The following CTNNA1 variants were observed in gnomAD, a reference collection of about 807,000 sequenced individuals.
CTNNA1 encodes the protein catenin alpha 1, also known as catenin alpha-1.
CTNNA1 carries 37 observed loss-of-function variants against 98.4 expected under a neutral mutation model. That is an observed-to-expected ratio of 0.38 (90% CI 0.29 to 0.49). The LOEUF is 0.49. Among genes scored for constraint, CTNNA1 ranks in the 20% least tolerant of loss-of-function variants. The pLI, the probability that CTNNA1 is intolerant of heterozygous loss-of-function variation, is 0.95. For synonymous variants in CTNNA1, 404 were observed against 413.2 expected (o/e 0.98, Z 0.27); for missense variants, 761 against 1,147.2 (o/e 0.66, Z 4.86).
rs201730705 is a variant in CTNNA1, at chr5:138,862,177, C to T, written c.1063-24035C>T. 3.0e-3 allele frequency among the ~76,000 whole-genome samples: 454 copies of T among 152,248 alleles called. 1 individual carries two copies. The highest frequency in any genetic ancestry group is 0.01 in the African/African-American group (429 of 41,544). On this transcript the variant is annotated intron_variant, in intron 7 of 17. Coordinates refer to ENST00000302763, the MANE Select transcript of CTNNA1 (RefSeq NM_001903.5). Reference sequence around the variant, plus strand: ...ATGGAGGATTACTCTCCAGCTATCACGAAACATACCCTCCTGCGTGCATTG... The same window carrying T: ...ATGGAGGATTACTCTCCAGCTATCATGAAACATACCCTCCTGCGTGCATTG...
chr5:138,903,445 T>C (rs1758527283), intron 9 of CTNNA1, among the ~76,000 whole-genome samples: 1 of 152,196 alleles, frequency 6.6e-6, no homozygotes, highest in Non-Finnish European at 1.5e-5. Context: ...GGGGTAAAGA[T>C]GTGTCTCAGT....
chr5:138,912,103 G>C (rs1473106021), intron 10 of CTNNA1, among the ~76,000 whole-genome samples: 1 of 152,210 alleles, frequency 6.6e-6, no homozygotes, highest in Non-Finnish European at 1.5e-5. Flanking sequence ...CATCACCAAG[G>C]GAGTGAGTCT....
rs776591092 is a variant in CTNNA1 at position 138,874,677 on chromosome 5, A to G, written c.1063-11535A>G. 4.3e-5 allele frequency: 33 copies of G among 762,848 alleles called. No homozygotes were observed. The highest frequency in any genetic ancestry group is 6.4e-5 in the Non-Finnish European group (31 of 485,868). 47.3% of individuals were successfully genotyped at this position (762,848 alleles called of 1,614,324 possible). ...CAAAAGATTTCACTGCATATAACTT[A>G]TTTTTCATTTACTGCAGAAAAATTA... On this transcript the variant is annotated intron_variant, in intron 7 of 17. Coordinates refer to ENST00000302763, the MANE Select transcript of CTNNA1 (RefSeq NM_001903.5). This position sits in a 1 kb window ranked among gnomAD's most constrained non-coding sequence, Gnocchi z 4.1.
chr5:138,799,000 A>T (rs900568497), intron 3 of CTNNA1, among the ~76,000 whole-genome samples: 11 of 151,968 alleles, frequency 7.2e-5, no homozygotes, highest in Non-Finnish European at 1.3e-4. Flanking sequence ...TTATTAAAAA[A>T]AATTTTTTTT....
chr5:138,922,930 TA>T (rs34458033), intron 11 of CTNNA1, among the ~76,000 whole-genome samples: 43,759 of 142,574 alleles, frequency 0.31, 6,467 homozygotes, highest in African/African-American at 0.35. Flanking sequence ...CTAAATGGAT[TA>T]AAAAAAAAAA....
At chr5:138,793,073 C>A (rs763274304) in intron 3 of CTNNA1, among the ~76,000 whole-genome samples, 1 of 152,226 alleles carries the variant, frequency 6.6e-6, no homozygotes, top group Non-Finnish European at 1.5e-5. Context: ...TCATACCTTT[C>A]AGATGTTCCT....
At chr5:138,887,279 G>A (rs1041851663) in intron 8 of CTNNA1, among the ~76,000 whole-genome samples, 1 of 152,094 alleles carries the variant, frequency 6.6e-6, no homozygotes, top group Non-Finnish European at 1.5e-5. Context: ...CTGAAATGCT[G>A]TAACTGTAGT....
chr5:138,925,327 G>T lies in CTNNA1; in HGVS notation c.1819G>T (p.Asp607Tyr). ...ALSSDPAQPM[D>Y]ENEFIDASRL... is the part of the protein sequence containing the mutation. ...CAGCTCGGACCCTGCCCAGCCCATG[G>T]ATGAGAATGAGTTTATCGATGCTTC... The change falls in exon 13 of 18, where the codon GAT becomes TAT. Residue 607 changes from aspartate (D) to tyrosine (Y), a missense_variant. This residue lies in a region of CTNNA1 where 287 missense variants were observed against 436.0 expected (regional missense o/e 0.66). Transcript: ENST00000302763. 6.2e-7 allele frequency: 1 copy of T among 1,614,168 alleles called. No homozygotes were observed. The highest frequency in any genetic ancestry group is 8.5e-7 in the Non-Finnish European group (1 of 1,180,048).
intron 7 of CTNNA1, among the ~76,000 whole-genome samples, chr5:138,840,045 GCCCC>G (rs1762143231): frequency 6.6e-6 from 1 of 152,192 alleles, no homozygotes; most frequent in African/African-American, 2.4e-5. Flanking sequence ...ATTAATAGCT[GCCCC>G]TCTAACTGAC....
chr5:138,829,264 A>G (rs1490333417), intron 7 of CTNNA1, among the ~76,000 whole-genome samples: 1 of 152,268 alleles, frequency 6.6e-6, no homozygotes, highest in African/African-American at 2.4e-5. Context: ...AAGATTGAAC[A>G]TTAGAAAATA....
chr5:138,847,895 G>A (rs1043476527), intron 7 of CTNNA1, among the ~76,000 whole-genome samples: 2 of 152,100 alleles, frequency 1.3e-5, no homozygotes, highest in South Asian at 2.1e-4. Context: ...GATTGTATAG[G>A]CCAGTATATC....
chr5:138,829,739 G>A, intron 7 of CTNNA1, among the ~76,000 whole-genome samples: 1 of 152,212 alleles, frequency 6.6e-6, no homozygotes, highest in Non-Finnish European at 1.5e-5. Context: ...TGAAATTTGA[G>A]TATTATGGTA....
intron 5 of CTNNA1, 145 bp downstream of exon 5, chr5:138,812,447 A>T: frequency 1.2e-6 from 1 of 814,234 alleles, no homozygotes; most frequent in Non-Finnish European, 1.8e-6. Context: ...GTGTCTTTTC[A>T]GTATTGTGCT....
intron 3 of CTNNA1, among the ~76,000 whole-genome samples, chr5:138,797,988 A>G (rs1296577904): frequency 1.3e-5 from 2 of 152,188 alleles, no homozygotes; most frequent in Admixed American, 1.3e-4. Flanking sequence ...TTTCTGCACT[A>G]TAGACAGTGG....
At chr5:138,869,762 A>G (rs1765166928) in intron 7 of CTNNA1, 2 of 152,648 alleles carry the variant, frequency 1.3e-5, no homozygotes, top group Admixed American at 1.3e-4. Context: ...AAGTTCAGTC[A>G]ATTCCATTTA....
At chr5:138,857,140 C>G (rs1007249597) in intron 7 of CTNNA1, among the ~76,000 whole-genome samples, 3 of 152,132 alleles carry the variant, frequency 2.0e-5, no homozygotes, top group Admixed American at 6.5e-5. Context: ...CCCTTAACAG[C>G]CTTTTTCTAA....
intron 9 of CTNNA1, among the ~76,000 whole-genome samples, chr5:138,902,571 C>T (rs901512844): frequency 1.2e-4 from 18 of 152,218 alleles, no homozygotes; most frequent in African/African-American, 4.3e-4. Context: ...AGGCGCCTGC[C>T]ACCACGCCCG....
At chr5:138,807,706 C>T (rs1026056770) in intron 3 of CTNNA1, among the ~76,000 whole-genome samples, 14 of 151,848 alleles carry the variant, frequency 9.2e-5, no homozygotes, top group African/African-American at 3.4e-4. Flanking sequence ...ACATCTCTTG[C>T]TTATTCTCTC....
intron 13 of CTNNA1, among the ~76,000 whole-genome samples, chr5:138,927,977 C>T (rs1183918016): frequency 1.3e-5 from 2 of 152,058 alleles, no homozygotes; most frequent in African/African-American, 4.8e-5. Context: ...CTGTCTGGTC[C>T]CCTGCGTGAG....
Sources: allele counts gnomAD v4.1 joint callset (sites outside exome capture counted in the v4.1 genomes callset), GRCh38; gene constraint gnomAD v4.1.1; regional missense constraint gnomAD v4.1.1; non-coding constraint Gnocchi (gnomAD v3.1); transcripts MANE v1.5; gene names NCBI Gene and HGNC (gene_info 2026-07-23, HGNC 2026-07-21).